Variants in AUH observed in about 807,000 individuals in gnomAD.
AUH encodes the protein AU RNA binding methylglutaconyl-CoA hydratase.
In AUH, 29 loss-of-function variants were observed where a neutral mutation model predicts 42.3. The observed-to-expected ratio is 0.69, with a 90% CI of 0.51 to 0.93. The LOEUF (loss-of-function observed/expected upper bound fraction) is 0.93, where lower values mean the gene tolerates loss of function less well. AUH is among the 40% of genes least tolerant of loss of function. The probability of loss-of-function intolerance (pLI) is 0.00; values close to 1 mark genes in which losing one functional copy is unlikely to be tolerated. For synonymous variants in AUH, 174 were observed against 166.4 expected (o/e 1.05, Z -0.35); for missense variants, 452 against 438.1 (o/e 1.03, Z -0.28).
intron 6 of AUH, among the ~76,000 whole-genome samples, chr9:91,295,089 A>G (rs921875315): frequency 3.2e-4 from 48 of 152,186 alleles, no homozygotes; most frequent in African/African-American, 1.0e-3. Context: ...GCTTTTTTTA[A>G]TAAGGGGTTT....
At chr9:91,296,977 A>C (rs1014289592) in intron 5 of AUH, among the ~76,000 whole-genome samples, 6 of 152,216 alleles carry the variant, frequency 3.9e-5, no homozygotes, top group Non-Finnish European at 7.3e-5. Context: ...CCACATCAGA[A>C]ACGATAATGG....
intron 6 of AUH, among the ~76,000 whole-genome samples, chr9:91,224,230 T>A (rs1463124849): frequency 6.6e-6 from 1 of 152,232 alleles, no homozygotes; most frequent in Non-Finnish European, 1.5e-5. Context: ...AGTTTTCATG[T>A]GCTTATTGGC....
intron 7 of AUH, among the ~76,000 whole-genome samples, chr9:91,217,795 A>G (rs1826910194): frequency 6.6e-6 from 1 of 152,190 alleles, no homozygotes; most frequent in African/African-American, 2.4e-5. Flanking sequence ...ATTCGCCTTG[A>G]CAACTAACAG....
At chr9:91,231,281 C>T (rs569010457) in intron 6 of AUH, among the ~76,000 whole-genome samples, 3 of 152,332 alleles carry the variant, frequency 2.0e-5, no homozygotes, top group South Asian at 2.1e-4. Context: ...GTCGGAAAAG[C>T]GCAGTATTCG....
At chr9:91,272,068 T>C (rs1825182814) in intron 6 of AUH, among the ~76,000 whole-genome samples, 1 of 152,340 alleles carries the variant, frequency 6.6e-6, no homozygotes, top group Admixed American at 6.5e-5. Context: ...AATGCTTTTG[T>C]ATGTTAAATA....
intron 1 of AUH, among the ~76,000 whole-genome samples, chr9:91,359,300 C>A (rs1832674465): frequency 6.6e-6 from 1 of 152,182 alleles, no homozygotes; most frequent in South Asian, 2.1e-4. Flanking sequence ...CCAGAAGAAG[C>A]CACAGTTATC....
At chr9:91,231,636 G>A (rs1398153916) in intron 6 of AUH, among the ~76,000 whole-genome samples, 1 of 152,150 alleles carries the variant, frequency 6.6e-6, no homozygotes, top group Non-Finnish European at 1.5e-5. Flanking sequence ...AAATAGGATT[G>A]TCCTTGGTGA....
intron 6 of AUH, among the ~76,000 whole-genome samples, chr9:91,226,917 G>A (rs1466267308): frequency 7.1e-6 from 1 of 140,736 alleles, no homozygotes; most frequent in African/African-American, 2.6e-5. Flanking sequence ...CTATATCTCT[G>A]TTTTGGTACC....
intron 6 of AUH, among the ~76,000 whole-genome samples, chr9:91,239,500 A>G (rs1828381633): frequency 6.6e-6 from 1 of 152,204 alleles, no homozygotes; most frequent in African/African-American, 2.4e-5. Context: ...CCTAGGCAAG[A>G]GCTTTCTTCA....
intron 6 of AUH, among the ~76,000 whole-genome samples, chr9:91,249,439 A>G (rs531050944): frequency 2.6e-5 from 4 of 152,112 alleles, no homozygotes; most frequent in Admixed American, 2.6e-4. Flanking sequence ...ATCATCTTAT[A>G]AAGCCCTCTT....
chr9:91,257,227 C>T (rs955300670), intron 6 of AUH, among the ~76,000 whole-genome samples: 2 of 151,900 alleles, frequency 1.3e-5, no homozygotes, highest in African/African-American at 2.4e-5. Flanking sequence ...AAAGATCCAG[C>T]CATTATTTGG....
At chr9:91,331,900 C>T (rs1260695668) in intron 3 of AUH, among the ~76,000 whole-genome samples, 3 of 152,328 alleles carry the variant, frequency 2.0e-5, no homozygotes, top group South Asian at 2.1e-4. Context: ...CAGCCAAAAA[C>T]GTCCCTCAAA....
chr9:91,217,557 T>C (rs867583124), intron 7 of AUH, among the ~76,000 whole-genome samples: 11 of 152,100 alleles, frequency 7.2e-5, no homozygotes, highest in African/African-American at 2.7e-4. Context: ...TGCTGCAAAC[T>C]CCGGATCCTT....
At chr9:91,341,694 A>G (rs1587898494) in intron 3 of AUH, among the ~76,000 whole-genome samples, 1 of 152,266 alleles carries the variant, frequency 6.6e-6, no homozygotes, top group South Asian at 2.1e-4. Flanking sequence ...TGGGCCAGGC[A>G]CTGTTCTGGC....
intron 6 of AUH, among the ~76,000 whole-genome samples, chr9:91,244,351 G>T (rs1430346013): frequency 6.6e-6 from 1 of 152,154 alleles, no homozygotes; most frequent in Admixed American, 6.5e-5. Flanking sequence ...AATGTTGGGG[G>T]ATAACTTCAC....
intron 6 of AUH, among the ~76,000 whole-genome samples, chr9:91,262,639 T>C (rs1169802563): frequency 6.6e-6 from 1 of 150,662 alleles, no homozygotes; most frequent in East Asian, 2.0e-4. Context: ...CAAAACTCTA[T>C]GGCACTGACA....
intron 1 of AUH, among the ~76,000 whole-genome samples, chr9:91,357,034 A>G (rs560003846): frequency 6.6e-6 from 1 of 152,348 alleles, no homozygotes; most frequent in African/African-American, 2.4e-5. Context: ...GAAACTGTGC[A>G]GACCCATTCT....
intron 4 of AUH, among the ~76,000 whole-genome samples, chr9:91,317,468 T>C (rs1399055926): frequency 6.6e-6 from 1 of 152,228 alleles, no homozygotes; most frequent in Non-Finnish European, 1.5e-5. Context: ...ATCTTTTGTC[T>C]GTTGTTGGTA....
intron 6 of AUH, among the ~76,000 whole-genome samples, chr9:91,270,445 G>T (rs77696652): frequency 0.02 from 3,030 of 152,284 alleles, 98 homozygotes; most frequent in African/African-American, 0.068. Context: ...TCTCAGGAAG[G>T]AGAATAGATC....
Sources: allele counts gnomAD v4.1 joint callset (sites outside exome capture counted in the v4.1 genomes callset), GRCh38; gene constraint gnomAD v4.1.1; transcripts MANE v1.5; gene names NCBI Gene and HGNC (gene_info 2026-07-23, HGNC 2026-07-21).